The following SHTN1 variants were observed in gnomAD, a reference collection of about 807,000 sequenced individuals.
SHTN1 encodes shootin 1, also known as shootin-1.
SHTN1 carries 42 observed loss-of-function variants against 83.1 expected under a neutral mutation model. That is an observed-to-expected ratio of 0.51 (90% CI 0.39 to 0.65). The LOEUF (loss-of-function observed/expected upper bound fraction) is 0.65. SHTN1 is among the 30% of genes least tolerant of loss of function. The probability of loss-of-function intolerance (pLI) is 0.00; values close to 1 mark genes in which losing one functional copy is unlikely to be tolerated. For missense variants in SHTN1, 622 were observed against 737.8 expected (o/e 0.84, Z 1.82); for synonymous variants, 224 against 247.7 (o/e 0.90, Z 0.90).
chr10:117,023,312 G>T (rs1419535920), intron 2 of SHTN1, among the ~76,000 whole-genome samples: 3 of 152,060 alleles, frequency 2.0e-5, no homozygotes, highest in African/African-American at 7.2e-5. Flanking sequence ...TCATTCCCAT[G>T]GTCCCAAATA....
At chr10:116,997,494 T>C (rs866894462) in intron 1 of SHTN1, among the ~76,000 whole-genome samples, 17 of 152,308 alleles carry the variant, frequency 1.1e-4, no homozygotes, top group South Asian at 2.1e-4. Flanking sequence ...ACTTTACTCA[T>C]TTTTATGACC....
chr10:117,090,405 C>T (rs1218939457), intron 1 of SHTN1, among the ~76,000 whole-genome samples: 1 of 152,058 alleles, frequency 6.6e-6, no homozygotes, highest in Non-Finnish European at 1.5e-5. Flanking sequence ...GGCCAGGGGA[C>T]AGAAGGCTGG....
chr10:116,955,205 C>A (rs1849940760), intron 4 of SHTN1, among the ~76,000 whole-genome samples: 2 of 151,696 alleles, frequency 1.3e-5, no homozygotes, highest in African/African-American at 4.8e-5. Flanking sequence ...ACTATTATCA[C>A]CTTCTTTAGC....
chr10:117,061,762 C>T (rs1347079447), intron 1 of SHTN1, among the ~76,000 whole-genome samples: 1 of 152,154 alleles, frequency 6.6e-6, no homozygotes, highest in East Asian at 1.9e-4. Flanking sequence ...TGAGCCACCA[C>T]ACCTCGCCAG....
intron 1 of SHTN1, among the ~76,000 whole-genome samples, chr10:117,081,348 C>T (rs1256685981): frequency 2.1e-5 from 3 of 143,418 alleles, no homozygotes; most frequent in East Asian, 2.0e-4. Context: ...TATTGATTTG[C>T]GTATATTGAA....
Position 116,960,170 on chromosome 10 carries a change from GTCT to G in SHTN1, c.230_232del (p.Lys77del), listed in dbSNP as rs749280118. On this transcript the variant is annotated inframe_deletion, in exon 4 of 17. Coordinates refer to ENST00000355371, the MANE Select transcript of SHTN1 (RefSeq NM_001127211.3). Reference sequence around the variant, plus strand: ...CAAAGCTTCAGCACTTTCTCGACAAGTCTTCTCTATTTCAAGATGGTTCTGCAT... The same window carrying G: ...CAAAGCTTCAGCACTTTCTCGACAAGTCTCTATTTCAAGATGGTTCTGCAT... 1 of 1,611,372 alleles carries G rather than the reference GTCT, an allele frequency of 6.2e-7. No homozygotes were observed. The highest frequency in any genetic ancestry group is 8.5e-7 in the Non-Finnish European group (1 of 1,177,880).
intron 1 of SHTN1, among the ~76,000 whole-genome samples, chr10:117,107,288 C>T (rs1431363347): frequency 6.6e-6 from 1 of 152,122 alleles, no homozygotes; most frequent in Admixed American, 6.5e-5. Flanking sequence ...AGTCACACTG[C>T]TTAGTGTGAC....
chr10:116,976,560 A>T (rs1850814987), intron 2 of SHTN1, among the ~76,000 whole-genome samples: 1 of 152,202 alleles, frequency 6.6e-6, no homozygotes, highest in Non-Finnish European at 1.5e-5. Context: ...GAATGAAAGG[A>T]TGGCCATACG....
chr10:116,934,029 ATTTG>A (rs1182843678), intron 9 of SHTN1, among the ~76,000 whole-genome samples: 3 of 151,920 alleles, frequency 2.0e-5, no homozygotes. Context: ...TTTCTTGTGA[ATTTG>A]TTTAAGTTCC....
chr10:116,977,295 T>G (rs2133476835), intron 2 of SHTN1, among the ~76,000 whole-genome samples: 1 of 152,336 alleles, frequency 6.6e-6, no homozygotes, highest in African/African-American at 2.4e-5. Context: ...AAGACAACTG[T>G]TTGCTTTCCC....
intron 9 of SHTN1, among the ~76,000 whole-genome samples, chr10:116,933,853 C>T (rs956576045): frequency 5.3e-5 from 8 of 152,112 alleles, no homozygotes; most frequent in African/African-American, 1.2e-4. Flanking sequence ...TTTTAATGAT[C>T]GCCATTCTAA....
intron 16 of SHTN1, among the ~76,000 whole-genome samples, chr10:116,899,763 G>T (rs1030965283): frequency 1.3e-4 from 20 of 152,242 alleles, no homozygotes; most frequent in South Asian, 6.2e-4. Context: ...CTTATTAATT[G>T]CTGACCCGAC....
chr10:117,112,736 T>A (rs1192685961), intron 1 of SHTN1, among the ~76,000 whole-genome samples: 3 of 152,170 alleles, frequency 2.0e-5, no homozygotes, highest in Admixed American at 1.3e-4. Context: ...AAAGTTCAAA[T>A]TAAAATTTCT....
rs1382759717 is a variant in SHTN1 at position 116,988,553 on chromosome 10, ATTTT to A, written c.59-9249_59-9246del. Among the ~76,000 whole-genome samples, 3 of 144,048 alleles carry A rather than the reference ATTTT, an allele frequency of 2.1e-5. No homozygotes were observed. In the South Asian group the frequency reaches 6.7e-4, roughly 32 times the overall value. The allele number at this position is 144,048 out of a possible 152,430, so 94.5% of individuals were successfully genotyped here. A position where few individuals can be genotyped will look rare whatever the true frequency, so the allele number is the denominator to read the frequency against. On this transcript the variant is annotated intron_variant, in intron 1 of 16. Transcript: ENST00000355371. ...TTATATATTATTTATTTATTTATTT[ATTTT>A]ATTATTTTTGAGACAGGGTCTCACT... is the stretch of plus-strand genomic sequence containing the variant.
At chr10:116,927,497 G>A (rs1165507054) in intron 11 of SHTN1, among the ~76,000 whole-genome samples, 3 of 152,136 alleles carry the variant, frequency 2.0e-5, no homozygotes, top group African/African-American at 7.2e-5. Flanking sequence ...ACTTGTGCAG[G>A]AGAACTCCTC....
At chr10:116,920,263 C>G (rs1231966848) in intron 12 of SHTN1, among the ~76,000 whole-genome samples, 1 of 152,154 alleles carries the variant, frequency 6.6e-6, no homozygotes, top group Non-Finnish European at 1.5e-5. Context: ...ACGGCAGGCA[C>G]AGGGGACCAA....
At chr10:117,077,607 T>TC (rs1258697433) in intron 1 of SHTN1, among the ~76,000 whole-genome samples, 2 of 152,128 alleles carry the variant, frequency 1.3e-5, no homozygotes, top group Non-Finnish European at 2.9e-5. Flanking sequence ...TAGGTATATC[T>TC]CCTAATGCTA....
chr10:116,905,678 C>T (rs1321191439), intron 15 of SHTN1, among the ~76,000 whole-genome samples: 1 of 152,160 alleles, frequency 6.6e-6, no homozygotes, highest in Non-Finnish European at 1.5e-5. Context: ...TGTGACTCAG[C>T]ATTTTCCAGA....
At chr10:116,912,046 A>C (rs1175361947) in intron 13 of SHTN1, among the ~76,000 whole-genome samples, 1 of 152,252 alleles carries the variant, frequency 6.6e-6, no homozygotes, top group Non-Finnish European at 1.5e-5. Context: ...ACAAAAAATA[A>C]GAAGTTATAT....
Sources: gnomAD v4.1 joint callset for allele counts (sites outside exome capture counted in the v4.1 genomes callset) on GRCh38, gnomAD v4.1.1 for gene constraint, MANE v1.5 for transcripts, NCBI Gene and HGNC (gene_info 2026-07-23, HGNC 2026-07-21) for gene names.